KMT2B: variants seen among roughly 807,000 people sequenced by gnomAD.
The protein encoded by KMT2B is lysine methyltransferase 2B.
Under a neutral mutation model 255.3 loss-of-function variants are expected in KMT2B, and 22 were observed. The ratio of observed to expected loss-of-function variants is 0.09; its 90% confidence interval spans 0.06 to 0.12. The LOEUF (loss-of-function observed/expected upper bound fraction) is 0.12, where lower values mean the gene tolerates loss of function less well. KMT2B is among the 10% of genes least tolerant of loss of function. The pLI, the probability that KMT2B is intolerant of heterozygous loss-of-function variation, is 1.00. For synonymous variants in KMT2B, 1,730 were observed against 1,498.1 expected (o/e 1.15, Z -3.57); for missense variants, 3,149 against 3,737.0 (o/e 0.84, Z 4.10).
In KMT2B at chr19:35,728,969, C is replaced by T; in HGVS notation, c.4688-16C>T. ...GGGTCCTGATTCTTAGACCTCCCTTCACATTTCCTCTTCAGCATTCCAGGG... is the reference window on the plus strand; with the variant it reads ...GGGTCCTGATTCTTAGACCTCCCTTTACATTTCCTCTTCAGCATTCCAGGG... On this transcript the variant is annotated splice_polypyrimidine_tract_variant and intron_variant, in intron 20 of 36. Transcript: ENST00000420124. 1 of 1,613,858 alleles carries T rather than the reference C, an allele frequency of 6.2e-7. No homozygotes were observed. Among genetic ancestry groups the T allele is most frequent in the Non-Finnish European group, 8.5e-7 (1 of 1,179,740 alleles).
Position 35,737,410 on chromosome 19 carries a change from C to CGCCA in KMT2B, c.7550+148_7550+149insCCAG. 1.0e-6 allele frequency: 1 copy of CGCCA among 985,356 alleles called. No individual in the cohort carries two copies. The highest frequency in any genetic ancestry group is 1.4e-6 in the Non-Finnish European group (1 of 692,922). The allele number at this position is 985,356 out of a possible 1,614,324, so 61.0% of individuals were successfully genotyped here. Reference sequence around the variant, plus strand: ...GTTATTTCTAGAGTTAGCCAGGCTCCGTGGCTCATGCCTGTAATCCCGCCA... The same window carrying CGCCA: ...GTTATTTCTAGAGTTAGCCAGGCTCCGCCAGTGGCTCATGCCTGTAATCCCGCCA... On this transcript the variant is annotated intron_variant, in intron 33 of 36. Transcript: ENST00000420124. The surrounding 1 kb of genome is among the most constrained non-coding windows in gnomAD (Gnocchi z 5.3).
rs1177191130 is a variant in KMT2B at position 35,721,272 on chromosome 19, G to A, written c.1925G>A (p.Arg642Gln). 6 of 1,046,864 alleles carry A rather than the reference G, an allele frequency of 5.7e-6. No individual in the cohort carries two copies. Among genetic ancestry groups the A allele is most frequent in the East Asian group, 1.4e-4 (1 of 7,304 alleles). 64.8% of individuals were successfully genotyped at this position (1,046,864 alleles called of 1,614,324 possible). A position where few individuals can be genotyped will look rare whatever the true frequency, so the allele number is the denominator to read the frequency against. The change falls in exon 3 of 37, where the codon CGG becomes CAG. Residue 642 changes from arginine (R) to glutamine (Q), a missense_variant. Transcript: ENST00000420124. The stretch of plus-strand genomic sequence containing the variant: ...CCCCCTGCTCCTGCCACCTCCTCCC[G>A]GAGGCCCCTACTCCTTCGGGCCCCT... The part of the protein sequence containing the change: ...SPPPAPATSS[R>Q]RPLLLRAPQF...
At position 35,718,410 on chromosome 19, in the gene KMT2B, CG is replaced by C; in HGVS notation, c.363+32del. ...AGGCGGTTGGAGGCGTCCCCGGCGC[CG>C]GGTGGGGCGGAGGCCGGGGCTTCCA... On this transcript the variant is annotated intron_variant, in intron 1 of 36. Transcript: ENST00000420124. This position sits in a 1 kb window ranked among gnomAD's most constrained non-coding sequence, Gnocchi z 5.0. 1 of 1,244,520 alleles carries C rather than the reference CG, an allele frequency of 8.0e-7. No individual in the cohort carries two copies. 77.1% of individuals were successfully genotyped at this position (1,244,520 alleles called of 1,614,324 possible).
At position 35,721,226 on chromosome 19, in the gene KMT2B, C is replaced by T; in HGVS notation, c.1879C>T (p.Pro627Ser). 6.9e-7 allele frequency: 1 copy of T among 1,459,644 alleles called. No homozygotes were observed. Among genetic ancestry groups the T allele is most frequent in the South Asian group, 1.2e-5 (1 of 81,398 alleles). The allele number at this position is 1,459,644 out of a possible 1,614,324, so 90.4% of individuals were successfully genotyped here. Residue 627 changes from proline (P) to serine (S), a missense_variant, in exon 3 of 37, where the codon CCT (proline) becomes TCT (serine). Around this residue, in one of 18 missense-constraint regions of KMT2B, gnomAD observed 1,188 missense variants for 1,106.4 expected, o/e 1.07. Coordinates refer to ENST00000420124, the MANE Select transcript of KMT2B (RefSeq NM_014727.3). The part of the protein sequence containing the change: ...ELPPPPPAPP[P>S]PPAPSPPPAP... The stretch of plus-strand genomic sequence containing the variant: ...GCCCCCTCCTCCCCCAGCCCCTCCA[C>T]CTCCCCCGGCCCCCTCCCCACCCCC...
In KMT2B at chr19:35,728,100, G is replaced by C. The variant is rs751458997; in HGVS notation, c.4500G>C (p.Leu1500=). 2 of 1,596,002 alleles carry C rather than the reference G, an allele frequency of 1.3e-6. No individual in the cohort carries two copies. The highest frequency in any genetic ancestry group is 2.7e-5 in the African/African-American group (2 of 74,476). The part of the protein sequence containing the change: ...GGQMKGLLLK[L]LESAFGWFDA... ...CATCCTGTTAACCCACTCCCCAGCTGCTAGAATCTGCGTTCGGCTGGTTCG... is the reference window on the plus strand; with the variant it reads ...CATCCTGTTAACCCACTCCCCAGCTCCTAGAATCTGCGTTCGGCTGGTTCG... The change falls in exon 19 of 37, where the codon CTG becomes CTC. Residue 1500 remains leucine, a splice_region_variant and synonymous_variant. Transcript: ENST00000420124.
In KMT2B at chr19:35,720,754, G is replaced by C; in HGVS notation, c.1407G>C (p.Arg469Ser). The change falls in exon 3 of 37, where the codon AGG becomes AGC. Residue 469 changes from arginine (R) to serine (S), a missense_variant. Arg to Ser is a moderately radical substitution (Grantham distance 110, BLOSUM62 -1). Transcript: ENST00000420124. ...TCCCAGCTACGTGCTCCAGGAAGAG[G>C]GGCCGGCCTCCCCTGACTCCCAGCC... ...PVVPATCSRKRGRPPLTPSQR... is the reference protein window; with the variant it reads ...PVVPATCSRKSGRPPLTPSQR... The C allele has an allele frequency of 6.8e-7, 1 of 1,473,544 alleles. No homozygotes were observed. Among genetic ancestry groups the C allele is most frequent in the South Asian group, 1.4e-5 (1 of 70,672 alleles). The allele number at this position is 1,473,544 out of a possible 1,614,324, so 91.3% of individuals were successfully genotyped here.
chr19:35,724,593 G>A (rs745636065), intron 8 of KMT2B, 44 bp from the exon 9 acceptor site: 2 of 1,471,112 alleles, frequency 1.4e-6, no homozygotes, highest in Admixed American at 1.9e-5. Flanking sequence ...AAGAAGAGGG[G>A]CGTGGAAGGG....
chr19:35,727,665 A>AC lies in KMT2B; in HGVS notation c.4303-28dup, dbSNP rs1969516640. 6.2e-7 allele frequency: 1 copy of AC among 1,612,828 alleles called. No individual in the cohort carries two copies. The highest frequency in any genetic ancestry group is 1.3e-5 in the African/African-American group (1 of 74,876). ...GGCAGGATGGGCCGGGGCTAGGCCCACCCCCAGCCCTGCTAACTTCCCCGC... is the reference window on the plus strand; with the variant it reads ...GGCAGGATGGGCCGGGGCTAGGCCCACCCCCCAGCCCTGCTAACTTCCCCGC... On this transcript the variant is annotated intron_variant, in intron 16 of 36. Coordinates refer to ENST00000420124, the MANE Select transcript of KMT2B (RefSeq NM_014727.3). The surrounding 1 kb of genome is among the most constrained non-coding windows in gnomAD (Gnocchi z 4.2).
intron 30 of KMT2B, chr19:35,735,489 T>C (rs1459525028): frequency 6.6e-6 from 1 of 152,350 alleles, no homozygotes; most frequent in Non-Finnish European, 1.5e-5. Flanking sequence ...TCAGGCTAGA[T>C]GTGTCCCGGG....
Position 35,730,332 on chromosome 19 carries a change from C to T in KMT2B, c.5077-10C>T. On this transcript the variant is annotated splice_polypyrimidine_tract_variant and intron_variant, in intron 23 of 36. Coordinates refer to ENST00000420124, the MANE Select transcript of KMT2B (RefSeq NM_014727.3). ...ATGCAGCCACCTCACTTTGCCACCC[C>T]CTCTTCCAGGAAATTGTGAACCCCG... 1 of 1,609,814 alleles carries T rather than the reference C, an allele frequency of 6.2e-7. No homozygotes were observed. Among genetic ancestry groups the T allele is most frequent in the Non-Finnish European group, 8.5e-7 (1 of 1,176,318 alleles).
rs1305795003 is a variant in KMT2B, at chr19:35,718,496, G to C, written c.363+115G>C. Reference sequence around the variant, plus strand: ...GCCGGGTCCTCAGGGTTCCTTCGGAGAGACGGGGCACGGAGGGAGGGCGGC... The same window carrying C: ...GCCGGGTCCTCAGGGTTCCTTCGGACAGACGGGGCACGGAGGGAGGGCGGC... On this transcript the variant is annotated intron_variant, in intron 1 of 36. Transcript: ENST00000420124. The surrounding 1 kb of genome is among the most constrained non-coding windows in gnomAD (Gnocchi z 5.0). The C allele has an allele frequency of 1.8e-6, 2 of 1,139,804 alleles. No homozygotes were observed. Among genetic ancestry groups the C allele is most frequent in the South Asian group, 4.4e-5 (1 of 22,574 alleles). 70.6% of individuals were successfully genotyped at this position (1,139,804 alleles called of 1,614,324 possible).
chr19:35,723,581 T>C lies in KMT2B; in HGVS notation c.3058+79T>C, dbSNP rs1351873232. ...TGGAGGGAGCTGTTTTTCTTTGCTC[T>C]CCTCCCTTGCAGCTCACCCTCTCCA... is the stretch of plus-strand genomic sequence containing the variant. On this transcript the variant is annotated intron_variant, in intron 7 of 36. Transcript: ENST00000420124. The surrounding 1 kb of genome is among the most constrained non-coding windows in gnomAD (Gnocchi z 7.5). 1 of 1,387,682 alleles carries C rather than the reference T, an allele frequency of 7.2e-7. No individual in the cohort carries two copies. The highest frequency in any genetic ancestry group is 9.8e-7 in the Non-Finnish European group (1 of 1,017,702). 86.0% of individuals were successfully genotyped at this position (1,387,682 alleles called of 1,614,324 possible).
In KMT2B at chr19:35,725,579, G is replaced by T. The variant is rs1455923485; in HGVS notation, c.3743G>T (p.Arg1248Leu). ...CATCACGACACCTGGTGCTGCCGTC[G>T]CTGCAAATTCTGCCACGTCTGTGGA... ...PQHHDTWCCRRCKFCHVCGRK... is the reference protein window; with the variant it reads ...PQHHDTWCCRLCKFCHVCGRK... Residue 1248 changes from arginine (R) to leucine (L), a missense_variant, in exon 12 of 37, where the codon CGC becomes CTC. By Grantham distance (102) the Arg-to-Leu change is moderately radical. Coordinates refer to ENST00000420124, the MANE Select transcript of KMT2B (RefSeq NM_014727.3). This position sits in a 1 kb window ranked among gnomAD's most constrained non-coding sequence, Gnocchi z 4.1. 1 of 1,610,188 alleles carries T rather than the reference G, an allele frequency of 6.2e-7. No homozygotes were observed. Among genetic ancestry groups the T allele is most frequent in the Admixed American group, 1.7e-5 (1 of 60,032 alleles).
chr19:35,727,433 C>T lies in KMT2B; in HGVS notation c.4118-5C>T, dbSNP rs770879681. 5.6e-6 allele frequency: 9 copies of T among 1,613,216 alleles called. No homozygotes were observed. The highest frequency in any genetic ancestry group is 4.0e-5 in the African/African-American group (3 of 74,940). Reference sequence around the variant, plus strand: ...ACTTTTCCCTTTCCCACTTGGCTATCCTAGATGAAGACTACGAGATCCTTT... The same window carrying T: ...ACTTTTCCCTTTCCCACTTGGCTATTCTAGATGAAGACTACGAGATCCTTT... On this transcript the variant is annotated splice_polypyrimidine_tract_variant and splice_region_variant and intron_variant, in intron 15 of 36. Coordinates refer to ENST00000420124, the MANE Select transcript of KMT2B (RefSeq NM_014727.3). The surrounding 1 kb of genome is among the most constrained non-coding windows in gnomAD (Gnocchi z 4.2).
chr19:35,736,569 C>T, intron 30 of KMT2B, 121 bp from the exon 31 acceptor site: 1 of 1,198,600 alleles, frequency 8.3e-7, no homozygotes, highest in Non-Finnish European at 1.2e-6. Flanking sequence ...CCATTAGACC[C>T]TAGTATCTGT....
intron 3 of KMT2B, 112 bp from the exon 4 acceptor site, chr19:35,722,247 C>T: frequency 1.8e-6 from 2 of 1,089,462 alleles, no homozygotes; most frequent in Non-Finnish European, 2.6e-6. Context: ...TCGTGATCTG[C>T]CCGTCTCGGC....
In KMT2B at chr19:35,720,285, A is replaced by T; in HGVS notation, c.938A>T (p.Lys313Ile). Residue 313 changes from lysine to isoleucine, a missense_variant, in exon 3 of 37, where the codon AAA becomes ATA. Around this residue, in one of 18 missense-constraint regions of KMT2B, gnomAD observed 1,188 missense variants for 1,106.4 expected, o/e 1.07. Coordinates refer to ENST00000420124, the MANE Select transcript of KMT2B (RefSeq NM_014727.3). ...ATCAAGTTTGTTTCAAGGGCCAAAAAAGTAAAGATGGGACAATTGTCCTTG... is the reference window on the plus strand; with the variant it reads ...ATCAAGTTTGTTTCAAGGGCCAAAATAGTAAAGATGGGACAATTGTCCTTG... The part of the protein sequence containing the change: ...FVIKFVSRAK[K>I]VKMGQLSLGL... 6.2e-7 allele frequency: 1 copy of T among 1,613,398 alleles called. No homozygotes were observed. Among genetic ancestry groups the T allele is most frequent in the African/African-American group, 1.3e-5 (1 of 75,034 alleles).
Position 35,718,642 on chromosome 19 carries a change from C to A in KMT2B, c.363+261C>A, listed in dbSNP as rs1969055671. ...GTCTTGGGCCGATCCTTTTCGGCAG[C>A]TGGCAAAGCTAGGGCGGTGGAGGTT... is the stretch of plus-strand genomic sequence containing the variant. On this transcript the variant is annotated intron_variant, in intron 1 of 36. Coordinates refer to ENST00000420124, the MANE Select transcript of KMT2B (RefSeq NM_014727.3). The surrounding 1 kb of genome is among the most constrained non-coding windows in gnomAD (Gnocchi z 5.0). 1.3e-5 allele frequency among the ~76,000 whole-genome samples: 2 copies of A among 152,180 alleles called. No individual in the cohort carries two copies. Among genetic ancestry groups the A allele is most frequent in the African/African-American group, 4.8e-5 (2 of 41,464 alleles).
chr19:35,723,707 C>T lies in KMT2B; in HGVS notation c.3059-25C>T. On this transcript the variant is annotated intron_variant, in intron 7 of 36. Coordinates refer to ENST00000420124, the MANE Select transcript of KMT2B (RefSeq NM_014727.3). This position sits in a 1 kb window ranked among gnomAD's most constrained non-coding sequence, Gnocchi z 7.5. ...CCCATGTCCCTGGCTGAGCTCAAAT[C>T]CTACTAAGTCCCCTGTTCCCGCAGG... The T allele has an allele frequency of 6.6e-7, 1 of 1,515,180 alleles. No homozygotes were observed. Among genetic ancestry groups the T allele is most frequent in the Non-Finnish European group, 8.8e-7 (1 of 1,131,330 alleles). The allele number at this position is 1,515,180 out of a possible 1,614,324, so 93.9% of individuals were successfully genotyped here.
Sources: gnomAD v4.1 joint callset for allele counts (sites outside exome capture counted in the v4.1 genomes callset) on GRCh38, gnomAD v4.1.1 for gene constraint, gnomAD v4.1.1 regional missense constraint, Gnocchi (gnomAD v3.1) non-coding constraint, MANE v1.5 for transcripts, NCBI Gene and HGNC (gene_info 2026-07-23, HGNC 2026-07-21) for gene names.